The following MCMDC2 variants were observed in gnomAD, a reference collection of about 807,000 sequenced individuals.
MCMDC2 encodes minichromosome maintenance domain-containing protein 2.
In MCMDC2, 54 loss-of-function variants were observed where a neutral mutation model predicts 75.8. That is an observed-to-expected ratio of 0.71 (90% confidence interval 0.57 to 0.89). The LOEUF (loss-of-function observed/expected upper bound fraction) is 0.89, where lower values mean the gene tolerates loss of function less well. Among genes scored for constraint, MCMDC2 ranks in the 40% least tolerant of loss-of-function variants. The pLI, the probability that MCMDC2 is intolerant of heterozygous loss-of-function variation, is 0.00. For missense variants in MCMDC2, 656 were observed against 780.4 expected (o/e 0.84, Z 1.90); for synonymous variants, 249 against 274.6 (o/e 0.91, Z 0.92).
At chr8:66,918,914 C>A in intron 14 of MCMDC2, 89 bp from the exon 15 acceptor site, 1 of 1,123,374 alleles carries the variant, frequency 8.9e-7, no homozygotes, top group Non-Finnish European at 1.2e-6. Flanking sequence ...TTTAAGATTC[C>A]ATTAAAATAT....
Position 66,882,611 on chromosome 8 carries a change from A to G in MCMDC2, c.836-1146A>G, listed in dbSNP as rs552935499. On this transcript the variant is annotated intron_variant, in intron 8 of 14. Coordinates refer to ENST00000422365, the MANE Select transcript of MCMDC2 (RefSeq NM_173518.5). ...AAACTCCTGACCTCATGATCCGCCC[A>G]CCTTGGCCTTCCAAAGTGCTGGAAT... is the stretch of plus-strand genomic sequence containing the variant. Among the ~76,000 whole-genome samples, 41 of 152,056 alleles carry G rather than the reference A, an allele frequency of 2.7e-4. No homozygotes were observed. In the East Asian group the frequency reaches 7.7e-3, roughly 29 times the overall value.
intron 14 of MCMDC2, among the ~76,000 whole-genome samples, chr8:66,908,264 G>T (rs1344021844): frequency 1.3e-5 from 2 of 152,078 alleles, no homozygotes; most frequent in Non-Finnish European, 2.9e-5. Flanking sequence ...TAAGGAAGGG[G>T]TCCAGTTTCT....
chr8:66,887,211 C>T (rs1294068250), intron 9 of MCMDC2, among the ~76,000 whole-genome samples: 1 of 151,898 alleles, frequency 6.6e-6, no homozygotes, highest in Admixed American at 6.6e-5. Flanking sequence ...TTATTATTTA[C>T]TTTTATGCTT....
chr8:66,914,363 C>T (rs925325888), intron 14 of MCMDC2, among the ~76,000 whole-genome samples: 2 of 145,032 alleles, frequency 1.4e-5, no homozygotes, highest in Non-Finnish European at 3.0e-5. Context: ...AGAAAATCAA[C>T]AGGATGTTAT....
In MCMDC2 at chr8:66,878,632, T is replaced by C; in HGVS notation, c.540T>C (p.Asn180=). 1.3e-6 allele frequency: 2 copies of C among 1,570,834 alleles called. No homozygotes were observed. Among genetic ancestry groups the C allele is most frequent in the Middle Eastern group, 3.4e-4 (2 of 5,936 alleles). ...PGATESATIR[N]DFLCNLCASS... is the part of the protein sequence containing the mutation. ...CTACAGAATCTGCAACGATAAGAAA[T>C]GACTTTTTGTGTAATCTATGTGCAT... Residue 180 remains asparagine, a synonymous_variant, in exon 6 of 15, where the codon AAT becomes AAC. Coordinates refer to ENST00000422365, the MANE Select transcript of MCMDC2 (RefSeq NM_173518.5).
chr8:66,873,692 C>T (rs958012788), intron 1 of MCMDC2, among the ~76,000 whole-genome samples: 3 of 152,024 alleles, frequency 2.0e-5, no homozygotes, highest in East Asian at 1.9e-4. Flanking sequence ...TCAAGACCAT[C>T]CTGGCTAACA....
At chr8:66,909,047 G>C (rs1223103124) in intron 14 of MCMDC2, among the ~76,000 whole-genome samples, 1 of 152,124 alleles carries the variant, frequency 6.6e-6, no homozygotes, top group East Asian at 1.9e-4. Context: ...TGAATCATGG[G>C]GGCAGTTTCC....
downstream of MCMDC2, among the ~76,000 whole-genome samples, chr8:66,924,321 T>C (rs1324865122): frequency 6.6e-6 from 1 of 151,518 alleles, no homozygotes; most frequent in African/African-American, 2.4e-5. Context: ...GTCTCACTGA[T>C]GAAATTTTAA....
rs1192569380 is a variant in MCMDC2, at chr8:66,920,681, A to C, written c.*1512A>C. 6.6e-6 allele frequency: 1 copy of C among 152,174 alleles called. No homozygotes were observed. The allele number at this position is 152,174 out of a possible 1,614,324, so 9.4% of individuals were successfully genotyped here. A position where few individuals can be genotyped will look rare whatever the true frequency, so the allele number is the denominator to read the frequency against. ...AAAACTAGGATCCTTTTACAATTGGAAAGTTTAAAAACTTTTTTTTTTGGA... is the reference window on the plus strand; with the variant it reads ...AAAACTAGGATCCTTTTACAATTGGCAAGTTTAAAAACTTTTTTTTTTGGA... On this transcript the variant is annotated 3_prime_UTR_variant, in exon 15 of 15. Coordinates refer to ENST00000422365, the MANE Select transcript of MCMDC2 (RefSeq NM_173518.5).
chr8:66,881,020 A>G (rs1585857903), intron 8 of MCMDC2, 46 bp downstream of exon 8: 1 of 1,340,638 alleles, frequency 7.5e-7, no homozygotes, highest in Admixed American at 3.2e-5. Flanking sequence ...TTTAAATTTA[A>G]ATCTATTTGT....
At chr8:66,893,347 A>C (rs1321138738) in intron 10 of MCMDC2, among the ~76,000 whole-genome samples, 4 of 152,292 alleles carry the variant, frequency 2.6e-5, no homozygotes, top group Middle Eastern at 3.4e-3. Context: ...CATCTCTACA[A>C]AAAAAAGCAA....
At chr8:66,891,480 G>A (rs968726028) in intron 10 of MCMDC2, among the ~76,000 whole-genome samples, 9 of 152,194 alleles carry the variant, frequency 5.9e-5, no homozygotes, top group Non-Finnish European at 1.0e-4. Context: ...ATCCGTGGAA[G>A]TTCTTCTCTA....
At position 66,921,935 on chromosome 8, in the gene MCMDC2, T is replaced by A. The variant is rs73691150; in HGVS notation, c.*2766T>A. 0.017 allele frequency: 2,670 copies of A among 152,668 alleles called. 77 individuals carry two copies. The highest frequency in any genetic ancestry group is 0.059 in the African/African-American group (2,471 of 41,572). 9.5% of individuals were successfully genotyped at this position (152,668 alleles called of 1,614,324 possible). On this transcript the variant is annotated 3_prime_UTR_variant, in exon 15 of 15. Transcript: ENST00000422365. ...CTATGAGAATGGAGCTATTTAGAGT[T>A]GATTTAAAAGAAAACACTTTATTGT...
chr8:66,907,231 G>A (rs962899503), intron 14 of MCMDC2, among the ~76,000 whole-genome samples: 3 of 151,734 alleles, frequency 2.0e-5, no homozygotes, highest in African/African-American at 4.8e-5. Flanking sequence ...CCTTGCCCCC[G>A]CCAACCCCCA....
chr8:66,894,395 G>A (rs1422797357), intron 10 of MCMDC2, among the ~76,000 whole-genome samples: 3 of 152,210 alleles, frequency 2.0e-5, no homozygotes, highest in Non-Finnish European at 4.4e-5. Context: ...TGACACAGGA[G>A]GAAAGGGAAA....
At chr8:66,871,682 G>A (rs183716895) in intron 1 of MCMDC2, 1 of 152,176 alleles carries the variant, frequency 6.6e-6, no homozygotes, top group East Asian at 1.9e-4. Context: ...AGCACTTTGG[G>A]AGGATGAGAC....
At chr8:66,912,897 C>T (rs925712214) in intron 14 of MCMDC2, among the ~76,000 whole-genome samples, 2 of 151,676 alleles carry the variant, frequency 1.3e-5, no homozygotes, top group Non-Finnish European at 2.9e-5. Flanking sequence ...CAAACCTGCA[C>T]GTTCTGCACA....
chr8:66,918,883 C>A, intron 14 of MCMDC2, 120 bp from the exon 15 acceptor site: 1 of 845,574 alleles, frequency 1.2e-6, no homozygotes, highest in South Asian at 2.9e-5. Flanking sequence ...TTCACAGAAC[C>A]ACATGGGCTC....
At chr8:66,915,162 T>TA (rs113642547) in intron 14 of MCMDC2, among the ~76,000 whole-genome samples, 3,085 of 151,342 alleles carry the variant, frequency 0.02, 68 homozygotes, top group South Asian at 0.045. Context: ...AGACCCTAAT[T>TA]AAAAAAAATA....
Sources: allele counts gnomAD v4.1 joint callset (sites outside exome capture counted in the v4.1 genomes callset), GRCh38; gene constraint gnomAD v4.1.1; transcripts MANE v1.5; gene names NCBI Gene and HGNC (gene_info 2026-07-23, HGNC 2026-07-21).